MMS19: variants seen among roughly 807,000 people sequenced by gnomAD.
MMS19 encodes MMS19 cytosolic iron-sulfur assembly component, also known as MMS19 nucleotide excision repair protein homolog.
In MMS19, 77 loss-of-function variants were observed where a neutral mutation model predicts 129.8. That is an observed-to-expected ratio of 0.59 (90% CI 0.49 to 0.72). The LOEUF (loss-of-function observed/expected upper bound fraction) is 0.72. Ranked by LOEUF, MMS19 falls within the 30% of genes least tolerant of loss-of-function variation. MMS19 has a pLI of 0.00. For synonymous variants in MMS19, 491 were observed against 502.8 expected, an observed-to-expected ratio of 0.98 and a Z score of 0.31; for missense variants, 1,168 against 1,266.3, an observed-to-expected ratio of 0.92 and a Z score of 1.18.
chr10:97,468,498 A>G (rs2033995033), intron 12 of MMS19, 92 bp from the exon 13 acceptor site: 1 of 1,268,174 alleles, frequency 7.9e-7, no homozygotes, highest in Middle Eastern at 2.6e-4. Context: ...GAGACCCATG[A>G]CAGTTTGCAA....
At chr10:97,467,753 T>A in intron 13 of MMS19, 170 bp from the exon 14 acceptor site, 1 of 615,232 alleles carries the variant, frequency 1.6e-6, no homozygotes, top group South Asian at 2.0e-5. Flanking sequence ...AGCCCCGACC[T>A]CCTAGGTTCA....
At chr10:97,470,319 C>T in intron 9 of MMS19, 116 bp from the exon 10 acceptor site, 1 of 743,104 alleles carries the variant, frequency 1.3e-6, no homozygotes, top group South Asian at 1.6e-5. Flanking sequence ...AGGAGCTGTA[C>T]TCAAGTCAGG....
At position 97,461,641 on chromosome 10, in the gene MMS19, T is replaced by A. The variant is rs1179656265; in HGVS notation, c.2185-19A>T. 6.3e-7 allele frequency: 1 copy of A among 1,594,206 alleles called. No individual in the cohort carries two copies. The highest frequency in any genetic ancestry group is 1.8e-5 in the Admixed American group (1 of 56,620). The stretch of plus-strand genomic sequence containing the variant: ...TTTCCACCTACAGAAAACCTGGCCA[T>A]GTAATGGACCCAGAGAACACTTGAA... On this transcript the variant is annotated intron_variant, in intron 22 of 30. Transcript: ENST00000438925.
chr10:97,461,025 A>T lies in MMS19; in HGVS notation c.2312-18T>A, dbSNP rs377043192. On this transcript the variant is annotated intron_variant, in intron 23 of 30. Transcript: ENST00000438925. ...CTGCTGCCCTAAAAAGGAGAGAGGA[A>T]ATGCTGACATAAAGGCTACACATTT... The T allele has an allele frequency of 5.0e-5, 76 of 1,535,120 alleles. No individual in the cohort carries two copies. Among genetic ancestry groups the T allele is most frequent in the Non-Finnish European group, 3.6e-5 (41 of 1,133,402 alleles).
intron 8 of MMS19, 130 bp from the exon 9 acceptor site, chr10:97,470,991 G>A: frequency 1.8e-6 from 1 of 550,380 alleles, no homozygotes; most frequent in Non-Finnish European, 3.0e-6. Context: ...AGATAATGAG[G>A]CCCCAGCAAG....
chr10:97,498,254 G>A lies in MMS19; in HGVS notation c.112+19C>T, dbSNP rs2040172146. 6.5e-7 allele frequency: 1 copy of A among 1,536,744 alleles called. No individual in the cohort carries two copies. Among genetic ancestry groups the A allele is most frequent in the Non-Finnish European group, 8.7e-7 (1 of 1,149,920 alleles). On this transcript the variant is annotated intron_variant, in intron 1 of 30. Coordinates refer to ENST00000438925, the MANE Select transcript of MMS19 (RefSeq NM_022362.5). Reference sequence around the variant, plus strand: ...CTGTTGGCCCCCATGCGGAAGGCGCGCGGCGCCGTCTGCCGTACCTGCAGC... The same window carrying A: ...CTGTTGGCCCCCATGCGGAAGGCGCACGGCGCCGTCTGCCGTACCTGCAGC...
chr10:97,493,253 C>T (rs1196510648), intron 1 of MMS19, among the ~76,000 whole-genome samples: 3 of 152,166 alleles, frequency 2.0e-5, no homozygotes, highest in Non-Finnish European at 4.4e-5. Context: ...CCAAGCAATC[C>T]TCCCACCTCA....
chr10:97,484,751 A>G (rs935024307), intron 1 of MMS19, among the ~76,000 whole-genome samples: 1 of 152,186 alleles, frequency 6.6e-6, no homozygotes, highest in Non-Finnish European at 1.5e-5. Flanking sequence ...CCCTGTCTCT[A>G]TTAAAAATAC....
chr10:97,497,818 G>C (rs940576430), intron 1 of MMS19, among the ~76,000 whole-genome samples: 2 of 152,196 alleles, frequency 1.3e-5, no homozygotes, highest in Non-Finnish European at 2.9e-5. Flanking sequence ...GTCAGAGCGC[G>C]GGGCCATCTG....
At chr10:97,487,698 A>G (rs945662916) in intron 1 of MMS19, among the ~76,000 whole-genome samples, 1 of 152,226 alleles carries the variant, frequency 6.6e-6, no homozygotes, top group Non-Finnish European at 1.5e-5. Flanking sequence ...GATTTTCTAC[A>G]AGGCAAAAAT....
chr10:97,492,347 C>T (rs1299724042), intron 1 of MMS19, among the ~76,000 whole-genome samples: 5 of 150,888 alleles, frequency 3.3e-5, no homozygotes, highest in East Asian at 2.0e-4. Flanking sequence ...TGGTGGCGGG[C>T]GCCTGTAGTC....
chr10:97,473,852 G>A (rs575594984), intron 8 of MMS19, among the ~76,000 whole-genome samples: 1 of 152,130 alleles, frequency 6.6e-6, no homozygotes, highest in African/African-American at 2.4e-5. Context: ...GCCTTTTATA[G>A]AAAAAGTTGG....
chr10:97,486,653 G>T (rs1589765349), intron 1 of MMS19, among the ~76,000 whole-genome samples: 1 of 152,084 alleles, frequency 6.6e-6, no homozygotes, highest in South Asian at 2.1e-4. Context: ...AAGTACAGAA[G>T]AAAATGGGGA....
At chr10:97,462,780 C>A in intron 19 of MMS19, 98 bp from the exon 20 acceptor site, 1 of 907,972 alleles carries the variant, frequency 1.1e-6, no homozygotes, top group Non-Finnish European at 1.8e-6. Flanking sequence ...TGGGGCTTGA[C>A]TCTAGCCACG....
intron 1 of MMS19, among the ~76,000 whole-genome samples, chr10:97,491,160 G>C (rs754530917): frequency 6.6e-6 from 1 of 152,220 alleles, no homozygotes; most frequent in Non-Finnish European, 1.5e-5. Context: ...AATGGGCACA[G>C]AAGGAGTTAA....
chr10:97,464,006 C>A lies in MMS19; in HGVS notation c.1764G>T (p.Met588Ile). The change falls in exon 19 of 31, where the codon ATG becomes ATT. Residue 588 changes from methionine to isoleucine, a missense_variant. This residue lies in a region of MMS19 where 831 missense variants were observed against 910.8 expected (regional missense o/e 0.91). Coordinates refer to ENST00000438925, the MANE Select transcript of MMS19 (RefSeq NM_022362.5). ...CAATAACGTCACTGGATTGTGCAAC[C>A]ATATTCCCTGTTGATGAGAAAGTGT... The part of the protein sequence containing the change: ...QHLWQVNRGN[M>I]VAQSSDVIAV... 6.2e-7 allele frequency: 1 copy of A among 1,612,586 alleles called. No individual in the cohort carries two copies.
chr10:97,477,886 A>G lies in MMS19; in HGVS notation c.392T>C (p.Leu131Pro). ...ATGCACTTCCTGGAAGATGGCTTTAAGCACAGAAACAGCCAGCCCTGGGGG... is the reference window on the plus strand; with the variant it reads ...ATGCACTTCCTGGAAGATGGCTTTAGGCACAGAAACAGCCAGCCCTGGGGG... The part of the protein sequence containing the change: ...ALPPGLAVSV[L>P]KAIFQEVHVQ... The change falls in exon 5 of 31, where the codon CTT becomes CCT. Residue 131 changes from leucine (L) to proline (P), a missense_variant. By Grantham distance (98) the Leu-to-Pro change is moderately conservative (BLOSUM62 -3). Coordinates refer to ENST00000438925, the MANE Select transcript of MMS19 (RefSeq NM_022362.5). The G allele has an allele frequency of 1.9e-6, 3 of 1,609,960 alleles. No homozygotes were observed. Among genetic ancestry groups the G allele is most frequent in the Non-Finnish European group, 2.5e-6 (3 of 1,178,352 alleles).
chr10:97,467,833 T>TC (rs899615760), intron 13 of MMS19, among the ~76,000 whole-genome samples: 2 of 150,622 alleles, frequency 1.3e-5, no homozygotes, highest in African/African-American at 4.9e-5. Flanking sequence ...CCAGCTAATT[T>TC]TTTTTTTTTT....
intron 1 of MMS19, among the ~76,000 whole-genome samples, chr10:97,488,253 A>G (rs1057006131): frequency 1.3e-5 from 2 of 152,246 alleles, no homozygotes; most frequent in African/African-American, 4.8e-5. Context: ...AAGAAAATCT[A>G]ACAGACTGGC....
Sources: allele counts gnomAD v4.1 joint callset (sites outside exome capture counted in the v4.1 genomes callset), GRCh38; gene constraint gnomAD v4.1.1; regional missense constraint gnomAD v4.1.1; transcripts MANE v1.5; gene names NCBI Gene and HGNC (gene_info 2026-07-23, HGNC 2026-07-21).